The following NKD1 variants were observed in gnomAD, a reference collection of about 807,000 sequenced individuals.
NKD1 encodes NKD inhibitor of Wnt signaling pathway 1, also known as protein naked cuticle homolog 1.
In NKD1, 21 loss-of-function variants were observed where a neutral mutation model predicts 56.0. The ratio of observed to expected loss-of-function variants is 0.38; its 90% CI spans 0.27 to 0.54. The LOEUF (loss-of-function observed/expected upper bound fraction) is 0.54, where lower values mean the gene tolerates loss of function less well. Among genes scored for constraint, NKD1 ranks in the 20% least tolerant of loss-of-function variants. The pLI is 0.82. For synonymous variants in NKD1, 263 were observed against 265.7 expected, an observed-to-expected ratio of 0.99 and a Z score of 0.10; for missense variants, 578 against 642.7, an observed-to-expected ratio of 0.90 and a Z score of 1.09.
At chr16:50,601,142 C>A (rs1227864422) in intron 3 of NKD1, among the ~76,000 whole-genome samples, 9 of 152,368 alleles carry the variant, frequency 5.9e-5, no homozygotes, top group Admixed American at 5.2e-4. Context: ...CTCCGCAGCT[C>A]TGAGTGGAGT....
At chr16:50,574,000 A>G (rs1960940832) in intron 3 of NKD1, 8 of 961,188 alleles carry the variant, frequency 8.3e-6, no homozygotes, top group Non-Finnish European at 9.9e-6. Context: ...ATGTGTGTCT[A>G]TATATACATA....
At chr16:50,597,264 G>A (rs951360874) in intron 3 of NKD1, among the ~76,000 whole-genome samples, 6 of 152,018 alleles carry the variant, frequency 3.9e-5, no homozygotes, top group African/African-American at 4.8e-5. Context: ...AAGGAAGCAG[G>A]GAGCTGCCCT....
intron 3 of NKD1, among the ~76,000 whole-genome samples, chr16:50,600,455 C>G (rs1961570143): frequency 6.6e-6 from 1 of 151,714 alleles, no homozygotes; most frequent in Admixed American, 6.6e-5. Context: ...AGAGTGAGAC[C>G]CCCATCTAAG....
At chr16:50,615,971 T>C (rs1368892671) in intron 4 of NKD1, 1 of 439,410 alleles carries the variant, frequency 2.3e-6, no homozygotes, top group Non-Finnish European at 4.7e-6. Context: ...CTTTCTCTTT[T>C]TACTGGCAGC....
chr16:50,602,718 C>T (rs1193385377), intron 3 of NKD1, among the ~76,000 whole-genome samples: 1 of 152,204 alleles, frequency 6.6e-6, no homozygotes. Flanking sequence ...CCTCTGTGTA[C>T]AGGTAGCAGC....
intron 3 of NKD1, among the ~76,000 whole-genome samples, chr16:50,567,174 A>T (rs1276352648): frequency 6.6e-6 from 1 of 152,216 alleles, no homozygotes; most frequent in Non-Finnish European, 1.5e-5. Flanking sequence ...AAAGAGGAAC[A>T]GAATGCCCAC....
chr16:50,581,634 C>T (rs571050456), intron 3 of NKD1, among the ~76,000 whole-genome samples: 6 of 152,346 alleles, frequency 3.9e-5, no homozygotes, highest in East Asian at 3.9e-4. Flanking sequence ...AGAGGCACCT[C>T]GGATGGAGAG....
intron 3 of NKD1, among the ~76,000 whole-genome samples, chr16:50,590,745 C>T (rs1961347939): frequency 6.6e-6 from 1 of 152,194 alleles, no homozygotes. Flanking sequence ...GTCTGGGCCC[C>T]ACACCACCTG....
chr16:50,568,066 G>A (rs2151265864), intron 3 of NKD1, among the ~76,000 whole-genome samples: 1 of 152,390 alleles, frequency 6.6e-6, no homozygotes, highest in Non-Finnish European at 1.5e-5. Flanking sequence ...TTCTGTGGGA[G>A]GAAAATATGA....
chr16:50,645,253 C>T lies in NKD1; in HGVS notation c.*11472C>T, dbSNP rs2151284194. On this transcript the variant is annotated 3_prime_UTR_variant, in exon 10 of 10. Coordinates refer to ENST00000268459, the MANE Select transcript of NKD1 (RefSeq NM_033119.5). Reference sequence around the variant, plus strand: ...TCCACCCAGAAACGACATTTTTATCCACTGCGATAACTTCTGGGGAGACAT... The same window carrying T: ...TCCACCCAGAAACGACATTTTTATCTACTGCGATAACTTCTGGGGAGACAT... 1 of 152,232 alleles carries T rather than the reference C, an allele frequency of 6.6e-6. No homozygotes were observed. Among genetic ancestry groups the T allele is most frequent in the Middle Eastern group, 3.4e-3 (1 of 294 alleles). The allele number at this position is 152,232 out of a possible 1,614,324, so 9.4% of individuals were successfully genotyped here.
chr16:50,551,571 G>T (rs1349275431), intron 3 of NKD1, among the ~76,000 whole-genome samples: 4 of 152,128 alleles, frequency 2.6e-5, no homozygotes, highest in Non-Finnish European at 5.9e-5. Context: ...CACCAACCTT[G>T]GCCCCAGATG....
At chr16:50,573,095 G>T (rs192825931) in intron 3 of NKD1, among the ~76,000 whole-genome samples, 1 of 152,358 alleles carries the variant, frequency 6.6e-6, no homozygotes, top group East Asian at 1.9e-4. Context: ...CAGTAAAACT[G>T]TGTGGCCTGG....
intron 3 of NKD1, among the ~76,000 whole-genome samples, chr16:50,563,681 C>T (rs1960695008): frequency 7.2e-6 from 1 of 138,150 alleles, no homozygotes; most frequent in Admixed American, 7.0e-5. Flanking sequence ...TGGAGAAGAC[C>T]CTGTGTGTCA....
At chr16:50,579,360 C>T (rs1472284598) in intron 3 of NKD1, among the ~76,000 whole-genome samples, 5 of 147,314 alleles carry the variant, frequency 3.4e-5, no homozygotes, top group South Asian at 4.3e-4. Context: ...CTTACTCCTG[C>T]GGGCTACCCG....
chr16:50,595,824 C>T (rs984905447), intron 3 of NKD1, among the ~76,000 whole-genome samples: 8 of 152,186 alleles, frequency 5.3e-5, no homozygotes, highest in Admixed American at 2.0e-4. Flanking sequence ...CAGGTGACCA[C>T]CCTGTGGTGA....
Position 50,630,244 on chromosome 16 carries a change from C to A in NKD1, c.521C>A (p.Ser174Tyr). 6.2e-7 allele frequency: 1 copy of A among 1,614,142 alleles called. No homozygotes were observed. The highest frequency in any genetic ancestry group is 8.5e-7 in the Non-Finnish European group (1 of 1,179,992). ...GTGGTGGACTCCTCTGTCAACCACT[C>A]CCCAACATCCAGCAAGATGCTGCGG... is the stretch of plus-strand genomic sequence containing the variant. ...YEVVDSSVNHSPTSSKMLRVK... is the reference protein window; with the variant it reads ...YEVVDSSVNHYPTSSKMLRVK... The change falls in exon 7 of 10, where the codon TCC becomes TAC. Residue 174 changes from serine to tyrosine, a missense_variant. Coordinates refer to ENST00000268459, the MANE Select transcript of NKD1 (RefSeq NM_033119.5).
chr16:50,614,976 C>T (rs932067123), intron 4 of NKD1, among the ~76,000 whole-genome samples: 3 of 152,174 alleles, frequency 2.0e-5, no homozygotes, highest in African/African-American at 4.8e-5. Flanking sequence ...GGACCAGCCA[C>T]GTGGCCTTCA....
intron 6 of NKD1, among the ~76,000 whole-genome samples, chr16:50,629,963 C>G (rs567061449): frequency 6.6e-6 from 1 of 152,224 alleles, no homozygotes; most frequent in South Asian, 2.1e-4. Flanking sequence ...TGCCCTTTTC[C>G]TTTTCTCTTA....
intron 3 of NKD1, among the ~76,000 whole-genome samples, chr16:50,570,611 G>A (rs953622188): frequency 2.6e-5 from 4 of 152,176 alleles, no homozygotes; most frequent in Non-Finnish European, 2.9e-5. Flanking sequence ...TGCTTAGCTC[G>A]TGAAGCTGTC....
Sources: gnomAD v4.1 joint callset for allele counts (sites outside exome capture counted in the v4.1 genomes callset) on GRCh38, gnomAD v4.1.1 for gene constraint, MANE v1.5 for transcripts, NCBI Gene and HGNC (gene_info 2026-07-23, HGNC 2026-07-21) for gene names.